Variants in TANC2 observed in about 807,000 individuals in gnomAD.
The protein encoded by TANC2 is protein TANC2.
Under a neutral mutation model 210.5 loss-of-function variants are expected in TANC2, and 26 were observed. The ratio of observed to expected loss-of-function variants is 0.12; its 90% CI spans 0.09 to 0.17. The LOEUF (loss-of-function observed/expected upper bound fraction) is 0.17. Ranked by LOEUF, TANC2 falls within the 10% of genes least tolerant of loss-of-function variation. The pLI is 1.00. For missense variants in TANC2, 2,129 were observed against 2,608.9 expected, an observed-to-expected ratio of 0.82 and a Z score of 4.01; for synonymous variants, 931 against 967.1, an observed-to-expected ratio of 0.96 and a Z score of 0.69.
At chr17:63,370,802 AAG>A (rs1483857147) in intron 14 of TANC2, among the ~76,000 whole-genome samples, 1 of 152,172 alleles carries the variant, frequency 6.6e-6, no homozygotes, top group Non-Finnish European at 1.5e-5. Context: ...AAAACAGTGG[AAG>A]AGTGGAAGAT....
rs191541745 is a variant in TANC2, at chr17:63,417,870, C to T, written c.4168-437C>T. The stretch of plus-strand genomic sequence containing the variant: ...CCGGACTTTACAGGACACCTTCTCA[C>T]CTGTCCCTTAGAAAGCCACAGTGTA... On this transcript the variant is annotated intron_variant, in intron 26 of 27. Coordinates refer to ENST00000689528, the Ensembl canonical transcript of TANC2. Among the ~76,000 whole-genome samples, 145 of 152,288 alleles carry T rather than the reference C, an allele frequency of 9.5e-4. 1 individual carries two copies. The highest frequency in any genetic ancestry group is 3.4e-3 in the African/African-American group (141 of 41,570).
At chr17:63,009,193 CAT>C (rs1413761736) in intron 1 of TANC2, among the ~76,000 whole-genome samples, 4 of 151,664 alleles carry the variant, frequency 2.6e-5, no homozygotes, top group Non-Finnish European at 5.9e-5. Context: ...TGGGGGTAAA[CAT>C]AGTTAATTCT....
chr17:63,199,988 C>G (rs960471614), intron 6 of TANC2, among the ~76,000 whole-genome samples: 1 of 152,118 alleles, frequency 6.6e-6, no homozygotes, highest in African/African-American at 2.4e-5. Context: ...GCCTATGTAT[C>G]GAAAAGACAC....
chr17:62,997,597 A>G (rs1047913608), intron 1 of TANC2, among the ~76,000 whole-genome samples: 2 of 152,210 alleles, frequency 1.3e-5, no homozygotes, highest in African/African-American at 2.4e-5. Flanking sequence ...GAAAGATAAT[A>G]CTTAGTTCAT....
rs61699208 is a variant in TANC2, at chr17:63,055,981, AAAAAAAAAAATATAT to A, written c.68-17960_68-17946del. ...CATCTCTACCAAAAAAAAAAAAAAA[AAAAAAAAAAATATAT>A]ATATATATATATATATATATATATA... On this transcript the variant is annotated intron_variant, in intron 2 of 27. Coordinates refer to ENST00000689528, the Ensembl canonical transcript of TANC2. Among the ~76,000 whole-genome samples, 314 of 33,516 alleles carry A rather than the reference AAAAAAAAAAATATAT, an allele frequency of 9.4e-3. 1 individual carries two copies. The highest frequency in any genetic ancestry group is 0.013 in the Middle Eastern group (1 of 78). 22.0% of individuals were successfully genotyped at this position (33,516 alleles called of 152,430 possible).
In TANC2 at chr17:63,398,805, C is replaced by T; in HGVS notation, c.3238-16C>T. The stretch of plus-strand genomic sequence containing the variant: ...TTTCCACCTGAAGTTTGAGCTGACA[C>T]AACTTCTTGTTTCAGATTGTCTCCT... On this transcript the variant is annotated splice_polypyrimidine_tract_variant and intron_variant, in intron 18 of 27. Transcript: ENST00000689528. 6.4e-7 allele frequency: 1 copy of T among 1,557,430 alleles called. No individual in the cohort carries two copies. The highest frequency in any genetic ancestry group is 8.7e-7 in the Non-Finnish European group (1 of 1,147,908).
intron 5 of TANC2, among the ~76,000 whole-genome samples, chr17:63,166,303 A>G (rs1008673472): frequency 3.4e-5 from 5 of 149,188 alleles, no homozygotes; most frequent in African/African-American, 1.2e-4. Context: ...GTATTCCTAG[A>G]TAGCACAGAG....
intron 15 of TANC2, among the ~76,000 whole-genome samples, chr17:63,384,164 G>A (rs780212134): frequency 6.6e-5 from 10 of 151,994 alleles, no homozygotes; most frequent in Non-Finnish European, 1.3e-4. Context: ...TGAACTCCTG[G>A]GCTCAAGCAG....
intron 2 of TANC2, among the ~76,000 whole-genome samples, chr17:63,059,905 A>G (rs897378000): frequency 6.6e-6 from 1 of 152,174 alleles, no homozygotes; most frequent in East Asian, 1.9e-4. Context: ...TGGCATTTCA[A>G]GATCACAACC....
At chr17:63,347,036 T>C (rs2046436343) in intron 12 of TANC2, among the ~76,000 whole-genome samples, 1 of 152,146 alleles carries the variant, frequency 6.6e-6, no homozygotes, top group Non-Finnish European at 1.5e-5. Flanking sequence ...AATGTACATC[T>C]ACTTTATGAC....
intron 8 of TANC2, among the ~76,000 whole-genome samples, chr17:63,240,992 ATAGTGAGTGAAC>A (rs1003188834): frequency 2.6e-5 from 4 of 152,252 alleles, no homozygotes; most frequent in African/African-American, 9.6e-5. Flanking sequence ...TAGAGGTTCC[ATAGTGAGTGAAC>A]TAATGAATGA....
chr17:63,127,541 A>G (rs377347656), intron 4 of TANC2, among the ~76,000 whole-genome samples: 1 of 152,240 alleles, frequency 6.6e-6, no homozygotes, highest in Admixed American at 6.5e-5. Context: ...TATAGATTAG[A>G]GACTGAAATG....
intron 9 of TANC2, among the ~76,000 whole-genome samples, chr17:63,271,897 G>A (rs949129468): frequency 6.6e-6 from 1 of 152,000 alleles, no homozygotes; most frequent in Non-Finnish European, 1.5e-5. Flanking sequence ...CATTCTGTAG[G>A]TTGTCTGTTG....
chr17:63,156,961 T>C (rs934722848), intron 5 of TANC2, among the ~76,000 whole-genome samples: 3 of 152,204 alleles, frequency 2.0e-5, no homozygotes, highest in Admixed American at 2.0e-4. Context: ...TCAGCACTTT[T>C]GCTGAGATTA....
At position 63,420,074 on chromosome 17, in the gene TANC2, TCTGCTG is replaced by T; in HGVS notation, c.4345_4350del (p.Leu1449_Leu1450del). 1 of 1,552,238 alleles carries T rather than the reference TCTGCTG, an allele frequency of 6.4e-7. No homozygotes were observed. The highest frequency in any genetic ancestry group is 1.2e-5 in the South Asian group (1 of 84,050). On this transcript the variant is annotated inframe_deletion, in exon 28 of 28. Coordinates refer to ENST00000689528, the Ensembl canonical transcript of TANC2. The surrounding 1 kb of genome is among the most constrained non-coding windows in gnomAD (Gnocchi z 4.2). ...CCAACAACCGTGAGATCCAGAGACT[TCTGCTG>T]AGAGTGGAAGAAGAGTGTAGACAGA...
At chr17:63,389,676 A>G in intron 17 of TANC2, 132 bp downstream of exon 17, 1 of 904,292 alleles carries the variant, frequency 1.1e-6, no homozygotes, top group Non-Finnish European at 1.7e-6. Context: ...GAGATCAGAG[A>G]GAGTGCTGGT....
intron 15 of TANC2, among the ~76,000 whole-genome samples, chr17:63,383,940 C>T (rs2047694416): frequency 6.6e-6 from 1 of 152,114 alleles, no homozygotes. Flanking sequence ...AATCACTATT[C>T]CACATCATTA....
chr17:63,305,996 G>A (rs576264911), intron 9 of TANC2, among the ~76,000 whole-genome samples: 6 of 152,338 alleles, frequency 3.9e-5, no homozygotes, highest in Admixed American at 3.9e-4. Context: ...GAGGAGCTTA[G>A]CTTAGATTTG....
chr17:63,045,264 T>C (rs1031536265), intron 2 of TANC2, among the ~76,000 whole-genome samples: 19 of 152,202 alleles, frequency 1.2e-4, no homozygotes, highest in South Asian at 2.1e-4. Context: ...TTACTTTCTT[T>C]ATAGAAAAAG....
Sources: allele counts gnomAD v4.1 joint callset (sites outside exome capture counted in the v4.1 genomes callset), GRCh38; gene constraint gnomAD v4.1.1; non-coding constraint Gnocchi (gnomAD v3.1); transcripts MANE v1.5; gene names NCBI Gene and HGNC (gene_info 2026-07-23, HGNC 2026-07-21).